The following MACF1 variants were observed in gnomAD, a reference collection of about 807,000 sequenced individuals.
The protein encoded by MACF1 is microtubule actin crosslinking factor 1.
MACF1 carries 193 observed loss-of-function variants against 854.8 expected under a neutral mutation model. The ratio of observed to expected loss-of-function variants is 0.23; its 90% CI spans 0.20 to 0.25. The LOEUF (loss-of-function observed/expected upper bound fraction) is 0.25. MACF1 is among the 10% of genes least tolerant of loss of function. MACF1 has a pLI of 1.00. For synonymous variants in MACF1, 3,185 were observed against 3,226.7 expected, an observed-to-expected ratio of 0.99 and a Z score of 0.44; for missense variants, 7,722 against 8,929.1, an observed-to-expected ratio of 0.86 and a Z score of 5.45.
At chr1:39,241,384 G>A (rs145531198) in intron 2 of MACF1, among the ~76,000 whole-genome samples, 50 of 152,256 alleles carry the variant, frequency 3.3e-4, no homozygotes, top group African/African-American at 1.2e-3. Flanking sequence ...ACGAGGCCAG[G>A]CATGGTGGCT....
intron 89 of MACF1, chr1:39,456,622 T>G (rs1400601389): frequency 6.6e-6 from 1 of 152,298 alleles, no homozygotes; most frequent in Non-Finnish European, 1.5e-5. Flanking sequence ...GATTATCTTC[T>G]TCCTATTCAG....
intron 2 of MACF1, among the ~76,000 whole-genome samples, chr1:39,151,542 A>AT (rs1274122880): frequency 6.6e-6 from 1 of 152,160 alleles, no homozygotes; most frequent in Non-Finnish European, 1.5e-5. Flanking sequence ...TTCTAGCCAT[A>AT]TTAAATTGAG....
chr1:39,287,669 T>C, intron 15 of MACF1, 107 bp downstream of exon 15: 1 of 1,227,834 alleles, frequency 8.1e-7, no homozygotes, highest in Non-Finnish European at 1.1e-6. Flanking sequence ...ATTCCCTTAA[T>C]TATTATTATT....
In MACF1 at chr1:39,385,472, T is replaced by A. The variant is rs896894217; in HGVS notation, c.13887T>A (p.His4629Gln). ...AATTTGAAGCACGCAGGCAACAGCA[T>A]GAGCAACTGAATGAGGCAGCTCAGG... ...LKEFEARRQQHEQLNEAAQGI... is the reference protein window; with the variant it reads ...LKEFEARRQQQEQLNEAAQGI... The change falls in exon 57 of 101, where the codon CAT (histidine) becomes CAA (glutamine). Residue 4629 changes from histidine (H) to glutamine (Q), a missense_variant. His to Gln is a conservative substitution (Grantham distance 24). Transcript: ENST00000564288. The A allele has an allele frequency of 5.0e-6, 8 of 1,614,072 alleles. No individual in the cohort carries two copies. Among genetic ancestry groups the A allele is most frequent in the Non-Finnish European group, 6.8e-6 (8 of 1,180,046 alleles).
rs11371076 is a variant in MACF1 at position 39,163,340 on chromosome 1, C to CAAAAA, written c.221-67826_221-67822dup. 6.3e-4 allele frequency among the ~76,000 whole-genome samples: 50 copies of CAAAAA among 79,888 alleles called. 1 individual carries two copies. The highest frequency in any genetic ancestry group is 1.1e-3 in the African/African-American group (20 of 17,796). 52.4% of individuals were successfully genotyped at this position (79,888 alleles called of 152,430 possible). A position where few individuals can be genotyped will look rare whatever the true frequency, so the allele number is the denominator to read the frequency against. On this transcript the variant is annotated intron_variant, in intron 2 of 93. Coordinates refer to the MACF1 transcript ENST00000361689. ...CCTGGGTGACAGAGCAAGACTGTCT[C>CAAAAA]AAAAAAAAAAAAAAAAAAAAGAAAA...
At chr1:39,388,857 TTTC>T (rs1283816752) in intron 58 of MACF1, among the ~76,000 whole-genome samples, 199 bp downstream of exon 58, 156 of 139,898 alleles carry the variant, frequency 1.1e-3, no homozygotes, top group Non-Finnish European at 1.8e-3. Flanking sequence ...TCTTTTTCTT[TTTC>T]TTCTTCTTCT....
chr1:39,398,233 G>A (rs1011404100), intron 58 of MACF1, among the ~76,000 whole-genome samples: 1 of 150,740 alleles, frequency 6.6e-6, no homozygotes, highest in Admixed American at 6.6e-5. Flanking sequence ...CGACCTCCCA[G>A]TCTCAAGTGA....
chr1:39,185,887 C>T (rs775562916), intron 2 of MACF1, among the ~76,000 whole-genome samples: 2 of 152,056 alleles, frequency 1.3e-5, no homozygotes, highest in Admixed American at 6.6e-5. Context: ...TGCTGAAGGA[C>T]CCAGGGAAGA....
At position 39,357,903 on chromosome 1, in the gene MACF1, C is replaced by T. The variant is rs182710905; in HGVS notation, c.11943+10C>T. The T allele has an allele frequency of 9.8e-5, 156 of 1,592,708 alleles. No individual in the cohort carries two copies. The highest frequency in any genetic ancestry group is 1.3e-4 in the Non-Finnish European group (150 of 1,170,466). ...TGCTCTCCACTCAAAGGTAAGGGGG[C>T]AGTTCCTGGCATCCTTGGTGAAACA... On this transcript the variant is annotated intron_variant, in intron 45 of 100. Transcript: ENST00000564288.
At chr1:39,165,689 T>C (rs1013296745) in intron 2 of MACF1, among the ~76,000 whole-genome samples, 18 of 152,222 alleles carry the variant, frequency 1.2e-4, no homozygotes, top group African/African-American at 4.1e-4. Context: ...GTGGTTTCTA[T>C]TGGTTGTTGG....
intron 2 of MACF1, among the ~76,000 whole-genome samples, chr1:39,143,900 G>A (rs945370817): frequency 8.0e-5 from 12 of 150,282 alleles, no homozygotes; most frequent in Non-Finnish European, 1.0e-4. Context: ...TCAGCCTCCT[G>A]CCTCAGCCTC....
chr1:39,288,207 A>G (rs1302995570), intron 15 of MACF1, among the ~76,000 whole-genome samples: 1 of 152,194 alleles, frequency 6.6e-6, no homozygotes, highest in Non-Finnish European at 1.5e-5. Flanking sequence ...TTAAAAATGT[A>G]TAGGCTGGGT....
chr1:39,430,671 G>T (rs371457494), intron 65 of MACF1, 31 bp from the exon 66 acceptor site: 5 of 1,572,696 alleles, frequency 3.2e-6, no homozygotes, highest in Non-Finnish European at 4.4e-6. Context: ...ATTTAGCAAG[G>T]TATGGCCTGA....
chr1:39,443,449 C>G lies in MACF1; in HGVS notation c.19306C>G (p.Gln6436Glu), dbSNP rs747403092. The change falls in exon 79 of 101, where the codon CAG (glutamine) becomes GAG (glutamate). Residue 6436 changes from glutamine to glutamate, a missense_variant. Coordinates refer to ENST00000564288, the MANE Select transcript of MACF1 (RefSeq NM_001394062.1). ...QQLQSTLQQAQGFHSEIEDFL... is the reference protein window; with the variant it reads ...QQLQSTLQQAEGFHSEIEDFL... ...TGATATATCTTTTTCTCAAAAGGCC[C>G]AGGGCTTCCACAGTGAAATTGAAGA... is the stretch of plus-strand genomic sequence containing the variant. The G allele has an allele frequency of 1.3e-5, 21 of 1,608,636 alleles. No individual in the cohort carries two copies. Among genetic ancestry groups the G allele is most frequent in the Non-Finnish European group, 1.8e-5 (21 of 1,178,394 alleles).
intron 23 of MACF1, among the ~76,000 whole-genome samples, chr1:39,307,901 C>CTTTCTTTTTTTTTTTTTTTTTTTTTTT (rs1222230255): frequency 2.0e-5 from 1 of 50,392 alleles, no homozygotes; most frequent in Non-Finnish European, 3.6e-5. Flanking sequence ...TTCTTTCTTT[C>CTTTCTTTTTTTTTTTTTTTTTTTTTTT]TTTTTTTTTT....
At chr1:39,256,980 G>A (rs1344875026) in intron 5 of MACF1, among the ~76,000 whole-genome samples, 5 of 151,930 alleles carry the variant, frequency 3.3e-5, no homozygotes, top group Non-Finnish European at 7.4e-5. Flanking sequence ...TTGCGAGGTT[G>A]CTTTTCTGGT....
upstream of MACF1, among the ~76,000 whole-genome samples, chr1:39,200,740 T>A (rs1250865172): frequency 6.6e-6 from 1 of 151,248 alleles, no homozygotes; most frequent in Admixed American, 6.6e-5. Context: ...GCCAGGTCTC[T>A]CCCTGAACTC....
chr1:39,363,664 C>T (rs1258734276), intron 49 of MACF1, among the ~76,000 whole-genome samples: 1 of 149,586 alleles, frequency 6.7e-6, no homozygotes, highest in Non-Finnish European at 1.5e-5. Flanking sequence ...GGCTGAAGTG[C>T]AGTGGCACGA....
intron 49 of MACF1, among the ~76,000 whole-genome samples, chr1:39,366,131 G>A (rs541548200): frequency 7.2e-4 from 109 of 152,210 alleles, no homozygotes; most frequent in African/African-American, 2.5e-3. Flanking sequence ...AGGTGTAGTT[G>A]CACATTTATT....
Sources: allele counts gnomAD v4.1 joint callset (sites outside exome capture counted in the v4.1 genomes callset), GRCh38; gene constraint gnomAD v4.1.1; transcripts MANE v1.5; gene names NCBI Gene and HGNC (gene_info 2026-07-23, HGNC 2026-07-21).